PALM2AKAP2: variants seen among roughly 807,000 people sequenced by gnomAD.
PALM2AKAP2 encodes the protein PALM2 and AKAP2 fusion, also known as PALM2-AKAP2 fusion protein.
Under a neutral mutation model 71.5 loss-of-function variants are expected in PALM2AKAP2, and 37 were observed. That is an observed-to-expected ratio of 0.52 (90% CI 0.40 to 0.68). The LOEUF (loss-of-function observed/expected upper bound fraction) is 0.68. Ranked by LOEUF, PALM2AKAP2 falls within the 30% of genes least tolerant of loss-of-function variation. PALM2AKAP2 has a pLI of 0.00. For synonymous variants in PALM2AKAP2, 468 were observed against 478.8 expected (o/e 0.98, Z 0.29); for missense variants, 1,224 against 1,191.8 (o/e 1.03, Z -0.40).
At chr9:110,083,061 AACCTGGG>A (rs1340035940) in intron 1 of PALM2AKAP2, among the ~76,000 whole-genome samples, 1 of 152,204 alleles carries the variant, frequency 6.6e-6, no homozygotes, top group Non-Finnish European at 1.5e-5. Flanking sequence ...GAATCACTTG[AACCTGGG>A]AGGCGGAGGT....
chr9:109,738,309 C>G (rs968380603), intron 1 of PALM2AKAP2, among the ~76,000 whole-genome samples: 4 of 152,206 alleles, frequency 2.6e-5, no homozygotes, highest in Non-Finnish European at 5.9e-5. Flanking sequence ...GGAGAAACGA[C>G]AGCTGCCACC....
intron 6 of PALM2AKAP2, among the ~76,000 whole-genome samples, chr9:109,990,946 T>C (rs942550650): frequency 6.6e-6 from 1 of 152,196 alleles, no homozygotes; most frequent in East Asian, 1.9e-4. Flanking sequence ...TGTTTTCAAC[T>C]AGTGTAAGAG....
At chr9:110,168,417 G>A (rs1008500814) in exon 4 of PALM2AKAP2, 2 of 1,614,002 alleles carry the variant, frequency 1.2e-6, no homozygotes, top group African/African-American at 2.7e-5. Context: ...GGCCACACGG[G>A]TTAATCGAAG....
At chr9:109,872,736 T>C (rs1431928935) in intron 2 of PALM2AKAP2, among the ~76,000 whole-genome samples, 1 of 152,224 alleles carries the variant, frequency 6.6e-6, no homozygotes, top group Non-Finnish European at 1.5e-5. Flanking sequence ...CCTGAAGGTA[T>C]CAGAAGACTT....
intron 1 of PALM2AKAP2, among the ~76,000 whole-genome samples, chr9:110,054,453 G>A (rs1833789822): frequency 6.6e-6 from 1 of 152,128 alleles, no homozygotes; most frequent in African/African-American, 2.4e-5. Context: ...AAATCAGATG[G>A]TTATGGAAGC....
At chr9:110,121,164 A>T (rs909748845) in intron 1 of PALM2AKAP2, among the ~76,000 whole-genome samples, 2 of 152,156 alleles carry the variant, frequency 1.3e-5, no homozygotes, top group African/African-American at 4.8e-5. Context: ...TTAAGGGCTA[A>T]GTGTGTCTTA....
At chr9:109,714,921 G>A (rs999248434) in intron 1 of PALM2AKAP2, among the ~76,000 whole-genome samples, 6 of 152,198 alleles carry the variant, frequency 3.9e-5, no homozygotes, top group Admixed American at 2.6e-4. Context: ...GGCTGCCCCT[G>A]TTGTGACTGC....
chr9:109,788,724 A>C (rs1408722865), intron 1 of PALM2AKAP2, among the ~76,000 whole-genome samples: 1 of 152,224 alleles, frequency 6.6e-6, no homozygotes, highest in Non-Finnish European at 1.5e-5. Flanking sequence ...GGTGAAATAG[A>C]ATAAAAGGCC....
chr9:109,841,895 A>T (rs1828700430), intron 1 of PALM2AKAP2, among the ~76,000 whole-genome samples: 1 of 93,690 alleles, frequency 1.1e-5, no homozygotes, highest in African/African-American at 4.3e-5. Flanking sequence ...GATAGAGGAG[A>T]AGTTGGAAGG....
At chr9:109,648,390 C>T (rs573316238) in intron 1 of PALM2AKAP2, among the ~76,000 whole-genome samples, 1 of 152,116 alleles carries the variant, frequency 6.6e-6, no homozygotes, top group South Asian at 2.1e-4. Flanking sequence ...TTTTGAGTGC[C>T]CTTTTCATCC....
Position 109,837,456 on chromosome 9 carries a change from A to C in PALM2AKAP2, c.46-30035A>C, listed in dbSNP as rs575548996. Among the ~76,000 whole-genome samples, 32 of 152,374 alleles carry C rather than the reference A, an allele frequency of 2.1e-4. No homozygotes were observed. The East Asian group carries it at 6.2e-3, about 29-fold the overall frequency. ...ATTGTAAAGACCATCGAGGCTAGAA[A>C]GAAACTGCATCAACTAACGAGCAAA... is the stretch of plus-strand genomic sequence containing the variant. On this transcript the variant is annotated intron_variant, in intron 1 of 9. Coordinates refer to the PALM2AKAP2 transcript ENST00000302798.
At chr9:110,003,048 C>T (rs922613836) in intron 6 of PALM2AKAP2, among the ~76,000 whole-genome samples, 6 of 152,148 alleles carry the variant, frequency 3.9e-5, no homozygotes, top group African/African-American at 7.2e-5. Flanking sequence ...CTGCTCTGAT[C>T]TTAGTTATTT....
intron 1 of PALM2AKAP2, among the ~76,000 whole-genome samples, chr9:109,721,747 A>C (rs766603368): frequency 1.3e-5 from 2 of 152,218 alleles, no homozygotes; most frequent in African/African-American, 4.8e-5. Flanking sequence ...TGGAAAGCCT[A>C]CATGGCAGTG....
At chr9:110,039,893 A>T (rs1424944859) in intron 7 of PALM2AKAP2, among the ~76,000 whole-genome samples, 1 of 152,092 alleles carries the variant, frequency 6.6e-6, no homozygotes, top group African/African-American at 2.4e-5. Context: ...TGGCTTCCTA[A>T]GGTATTTGAG....
chr9:110,045,791 A>C (rs571012774), upstream of PALM2AKAP2, among the ~76,000 whole-genome samples: 2 of 152,046 alleles, frequency 1.3e-5, no homozygotes, highest in African/African-American at 4.8e-5. Flanking sequence ...GCTGGTCTTG[A>C]ACTCCTGACC....
At chr9:109,933,913 T>C (rs1359068801) in intron 6 of PALM2AKAP2, among the ~76,000 whole-genome samples, 1 of 152,222 alleles carries the variant, frequency 6.6e-6, no homozygotes, top group African/African-American at 2.4e-5. Flanking sequence ...ACAGAGCATG[T>C]GTGGCTTACC....
intron 1 of PALM2AKAP2, among the ~76,000 whole-genome samples, chr9:109,646,510 T>C (rs1482213780): frequency 6.6e-6 from 1 of 152,208 alleles, no homozygotes; most frequent in East Asian, 1.9e-4. Context: ...GACTTAGGCT[T>C]ATAGCATCCA....
chr9:109,908,127 T>A (rs1830489603), intron 3 of PALM2AKAP2, among the ~76,000 whole-genome samples: 1 of 152,224 alleles, frequency 6.6e-6, no homozygotes, highest in Admixed American at 6.5e-5. Context: ...GCACTGTGGA[T>A]GCCATAGCAA....
upstream of PALM2AKAP2, among the ~76,000 whole-genome samples, chr9:110,044,231 C>A (rs1176634750): frequency 2.0e-5 from 3 of 151,994 alleles, no homozygotes; most frequent in Non-Finnish European, 4.4e-5. Flanking sequence ...TCAGTGAGGT[C>A]ACCCACTGTT....
Sources: gnomAD v4.1 joint callset for allele counts (sites outside exome capture counted in the v4.1 genomes callset) on GRCh38, gnomAD v4.1.1 for gene constraint, MANE v1.5 for transcripts, NCBI Gene and HGNC (gene_info 2026-07-23, HGNC 2026-07-21) for gene names.